GARRE1: variants seen among roughly 807,000 people sequenced by gnomAD.
The protein encoded by GARRE1 is granule associated Rac and RHOG effector 1.
A neutral mutation model predicts 103.2 loss-of-function variants in GARRE1; 49 were observed. The ratio of observed to expected loss-of-function variants is 0.47; its 90% CI spans 0.38 to 0.60. The LOEUF (loss-of-function observed/expected upper bound fraction) is 0.60. Among genes scored for constraint, GARRE1 ranks in the 20% least tolerant of loss-of-function variants. GARRE1 has a pLI of 0.00. For missense variants in GARRE1, 1,199 were observed against 1,370.5 expected (o/e 0.87, Z 1.98); for synonymous variants, 505 against 532.8 (o/e 0.95, Z 0.72).
intron 1 of GARRE1, among the ~76,000 whole-genome samples, chr19:34,272,348 A>G (rs181485706): frequency 6.6e-6 from 1 of 152,242 alleles, no homozygotes; most frequent in Admixed American, 6.5e-5. Flanking sequence ...ACAGGCGCCC[A>G]CCACCATGCC....
rs766004752 is a variant in GARRE1 at position 34,341,902 on chromosome 19, T to C, written c.1968T>C (p.Phe656=). ...AGGTGATAGATTTTCTCTCGGGCTT[T>C]AACATGGGCCAGTCACATCAGGGCT... The part of the protein sequence containing the change: ...MQEVIDFLSG[F]NMGQSHQGSP... Residue 656 remains phenylalanine, a synonymous_variant, in exon 10 of 14, where the codon TTT becomes TTC. Coordinates refer to ENST00000299505, the MANE Select transcript of GARRE1 (RefSeq NM_014686.5). 3.7e-5 allele frequency: 59 copies of C among 1,614,044 alleles called. No individual in the cohort carries two copies. The highest frequency in any genetic ancestry group is 4.5e-5 in the Non-Finnish European group (53 of 1,180,034).
At chr19:34,325,600 A>G (rs577779934) in intron 3 of GARRE1, among the ~76,000 whole-genome samples, 1 of 152,086 alleles carries the variant, frequency 6.6e-6, no homozygotes, top group African/African-American at 2.4e-5. Flanking sequence ...CTTCATCGCT[A>G]CCCTTGTTCA....
intron 2 of GARRE1, among the ~76,000 whole-genome samples, chr19:34,306,758 T>C (rs1332122614): frequency 6.6e-6 from 1 of 152,178 alleles, no homozygotes; most frequent in East Asian, 1.9e-4. Flanking sequence ...GAAGTGTACA[T>C]AAATAAAAGA....
intron 8 of GARRE1, 102 bp downstream of exon 8, chr19:34,333,903 C>T (rs1427780854): frequency 1.3e-6 from 1 of 784,510 alleles, no homozygotes; most frequent in Non-Finnish European, 2.3e-6. Flanking sequence ...CTAGCTGACG[C>T]AACAAGTCTT....
rs190818917 is a variant in GARRE1 at position 34,327,270 on chromosome 19, A to T, written c.706-151A>T. ...AAATTTGGGCTGCTCACTTTGCAAT[A>T]CAAACAATCTAGAACTTCTAGTTTA... On this transcript the variant is annotated intron_variant, in intron 3 of 13. Coordinates refer to ENST00000299505, the MANE Select transcript of GARRE1 (RefSeq NM_014686.5). 2.0e-5 allele frequency: 13 copies of T among 634,486 alleles called. No individual in the cohort carries two copies. In the South Asian group the frequency reaches 3.5e-4, roughly 17 times the overall value. 39.3% of individuals were successfully genotyped at this position (634,486 alleles called of 1,614,324 possible).
intron 7 of GARRE1, among the ~76,000 whole-genome samples, chr19:34,332,396 G>A (rs920551730): frequency 6.6e-6 from 1 of 151,940 alleles, no homozygotes; most frequent in African/African-American, 2.4e-5. Context: ...CCTGAAAGGA[G>A]TATGCAAAAT....
rs769229794 is a variant in GARRE1, at chr19:34,328,041, C to T, written c.994C>T (p.Pro332Ser). The change falls in exon 6 of 14, where the codon CCG (proline) becomes TCG (serine). Residue 332 changes from proline to serine, a missense_variant. Coordinates refer to ENST00000299505, the MANE Select transcript of GARRE1 (RefSeq NM_014686.5). ...AQQTGRRQTP[P>S]QPMQCELPTV... ...GCAGACGGGGCGGAGGCAGACACCC[C>T]CGCAGCCCATGCAGTGTGAGCTCCC... 5 of 1,614,048 alleles carry T rather than the reference C, an allele frequency of 3.1e-6. No individual in the cohort carries two copies. Among genetic ancestry groups the T allele is most frequent in the Non-Finnish European group, 4.2e-6 (5 of 1,180,044 alleles).
chr19:34,283,558 G>A (rs1372855866), intron 1 of GARRE1, among the ~76,000 whole-genome samples: 3 of 152,146 alleles, frequency 2.0e-5, no homozygotes, highest in Non-Finnish European at 4.4e-5. Flanking sequence ...AATAACAGTG[G>A]TTACTATTAT....
At chr19:34,320,426 C>T (rs910719103) in intron 3 of GARRE1, among the ~76,000 whole-genome samples, 2 of 152,142 alleles carry the variant, frequency 1.3e-5, no homozygotes, top group South Asian at 2.1e-4. Flanking sequence ...TGTCTCTGAA[C>T]GGTAGTGCTG....
intron 13 of GARRE1, 45 bp from the exon 14 acceptor site, chr19:34,352,602 A>C (rs1252402868): frequency 3.3e-6 from 5 of 1,510,822 alleles, no homozygotes; most frequent in Admixed American, 1.7e-5. Context: ...GGAAATGATG[A>C]TACATTGCCC....
intron 1 of GARRE1, among the ~76,000 whole-genome samples, chr19:34,269,423 AATGTTT>A (rs1268502234): frequency 1.3e-5 from 2 of 152,112 alleles, no homozygotes; most frequent in Non-Finnish European, 2.9e-5. Context: ...CACTGATTAG[AATGTTT>A]ATTCAGTAGT....
At position 34,342,372 on chromosome 19, in the gene GARRE1, CTAGAAA is replaced by C. The variant is rs1468330310; in HGVS notation, c.2441_2446del (p.Arg814_Asn815del). ...GTTCTGGGACAGAAGCCGCAGGGAC[CTAGAAA>C]TAACACCTGGCCCAACCGTGACCAA... is the stretch of plus-strand genomic sequence containing the variant. On this transcript the variant is annotated inframe_deletion, in exon 10 of 14. Transcript: ENST00000299505. 6.2e-7 allele frequency: 1 copy of C among 1,614,128 alleles called. No individual in the cohort carries two copies. Among genetic ancestry groups the C allele is most frequent in the South Asian group, 1.1e-5 (1 of 91,068 alleles).
intron 1 of GARRE1, among the ~76,000 whole-genome samples, chr19:34,289,722 C>CA (rs35728238): frequency 0.11 from 15,338 of 141,918 alleles, 1,157 homozygotes; most frequent in African/African-American, 0.21. Context: ...GACTCTGTCT[C>CA]AAAAAAAAAA....
intron 7 of GARRE1, 63 bp from the exon 8 acceptor site, chr19:34,333,641 C>A: frequency 2.1e-6 from 2 of 956,678 alleles, no homozygotes; most frequent in Non-Finnish European, 3.2e-6. Flanking sequence ...GGATTTTATT[C>A]TGATTTGTTT....
intron 1 of GARRE1, among the ~76,000 whole-genome samples, chr19:34,269,035 T>C (rs963031612): frequency 3.9e-5 from 6 of 152,232 alleles, no homozygotes; most frequent in African/African-American, 9.6e-5. Flanking sequence ...ACCTCTGTTA[T>C]TTTGAAAGTA....
At chr19:34,268,341 A>C (rs1048198276) in intron 1 of GARRE1, among the ~76,000 whole-genome samples, 4 of 152,198 alleles carry the variant, frequency 2.6e-5, no homozygotes, top group African/African-American at 9.7e-5. Context: ...GTTTGTAGAC[A>C]AAACTTTCCT....
chr19:34,264,199 C>A (rs1285381712), intron 1 of GARRE1, among the ~76,000 whole-genome samples: 2 of 152,110 alleles, frequency 1.3e-5, no homozygotes, highest in African/African-American at 4.8e-5. Flanking sequence ...CAGAAAGGCT[C>A]CTTGGGAACT....
intron 1 of GARRE1, among the ~76,000 whole-genome samples, chr19:34,263,892 G>T (rs7359931): frequency 6.6e-6 from 1 of 151,990 alleles, no homozygotes; most frequent in African/African-American, 2.4e-5. Context: ...ACTGTGCAAG[G>T]CGGCTTGGGT....
intron 1 of GARRE1, among the ~76,000 whole-genome samples, chr19:34,256,250 G>A (rs988641974): frequency 6.6e-6 from 1 of 151,636 alleles, no homozygotes; most frequent in East Asian, 2.0e-4. Context: ...GATGGCTCAT[G>A]CCTGTAATCC....
Sources: allele counts gnomAD v4.1 joint callset (sites outside exome capture counted in the v4.1 genomes callset), GRCh38; gene constraint gnomAD v4.1.1; transcripts MANE v1.5; gene names NCBI Gene and HGNC (gene_info 2026-07-23, HGNC 2026-07-21).